The following GNB4 variants were observed in gnomAD, a reference collection of about 807,000 sequenced individuals.
GNB4 encodes G protein subunit beta 4, also known as guanine nucleotide-binding protein subunit beta-4.
GNB4 carries 28 observed loss-of-function variants against 45.2 expected under a neutral mutation model. That is an observed-to-expected ratio of 0.62 (90% CI 0.46 to 0.85). GNB4 has a LOEUF of 0.85. GNB4 is among the 40% of genes least tolerant of loss of function. The pLI, the probability that GNB4 is intolerant of heterozygous loss-of-function variation, is 0.00. For synonymous variants in GNB4, 132 were observed against 143.7 expected (o/e 0.92, Z 0.58); for missense variants, 321 against 425.4 (o/e 0.75, Z 2.16).
intron 8 of GNB4, among the ~76,000 whole-genome samples, chr3:179,407,687 A>G (rs1441164630): frequency 6.6e-6 from 1 of 152,116 alleles, no homozygotes; most frequent in South Asian, 2.1e-4. Context: ...GCAAAGAGAA[A>G]ACTCCAGAGG....
chr3:179,509,967 G>C, the GNB4 span, among the ~76,000 whole-genome samples: 1 of 152,084 alleles, frequency 6.6e-6, no homozygotes. Context: ...TGGACGCCAA[G>C]TGTGCACTGT....
At chr3:179,438,366 A>G (rs1161010769) in intron 1 of GNB4, among the ~76,000 whole-genome samples, 4 of 152,032 alleles carry the variant, frequency 2.6e-5, no homozygotes, top group African/African-American at 9.7e-5. Flanking sequence ...TTCTTTAACT[A>G]CTCTAAGTCT....
chr3:179,411,425 A>C (rs1027779637), intron 8 of GNB4, among the ~76,000 whole-genome samples: 1 of 151,768 alleles, frequency 6.6e-6, no homozygotes, highest in Non-Finnish European at 1.5e-5. Context: ...GGAAGCCTCT[A>C]TATTTACTTA....
intron 9 of GNB4, among the ~76,000 whole-genome samples, chr3:179,401,624 AATT>A (rs1421886032): frequency 1.3e-5 from 2 of 152,218 alleles, no homozygotes; most frequent in African/African-American, 2.4e-5. Context: ...ATATGCAGAC[AATT>A]ATTCCACATC....
At chr3:179,440,926 T>A (rs2108617576) in intron 1 of GNB4, among the ~76,000 whole-genome samples, 1 of 149,054 alleles carries the variant, frequency 6.7e-6, no homozygotes, top group Admixed American at 6.6e-5. Flanking sequence ...TTGAAATGAG[T>A]AAGTTTAAAC....
At chr3:179,504,165 C>CT in the GNB4 span, among the ~76,000 whole-genome samples, 2 of 151,902 alleles carry the variant, frequency 1.3e-5, no homozygotes, top group Non-Finnish European at 2.9e-5. Context: ...CGTGAGTCTG[C>CT]TTTTTTTAAA....
rs1225613554 is a variant in GNB4 at position 179,405,082 on chromosome 3, T to C, written c.916+108A>G. 2.4e-5 allele frequency: 17 copies of C among 710,506 alleles called. No homozygotes were observed. In the East Asian group the frequency reaches 4.5e-4, roughly 19 times the overall value. 44.0% of individuals were successfully genotyped at this position (710,506 alleles called of 1,614,324 possible). A position where few individuals can be genotyped will look rare whatever the true frequency, so the allele number is the denominator to read the frequency against. The stretch of plus-strand genomic sequence containing the variant: ...AAGAACATGATGAGAACCATCGGGT[T>C]ACCACTTTCCACAACTCCAAGATGT... On this transcript the variant is annotated intron_variant, in intron 9 of 9. Coordinates refer to ENST00000232564, the MANE Select transcript of GNB4 (RefSeq NM_021629.4).
the GNB4 span, among the ~76,000 whole-genome samples, chr3:179,479,637 G>T: frequency 6.6e-6 from 1 of 152,190 alleles, no homozygotes; most frequent in Non-Finnish European, 1.5e-5. Flanking sequence ...GAATGGAGAA[G>T]CATTTTCCTG....
At chr3:179,506,205 G>A in the GNB4 span, among the ~76,000 whole-genome samples, 2 of 152,120 alleles carry the variant, frequency 1.3e-5, no homozygotes, top group Admixed American at 6.5e-5. Flanking sequence ...AGGCATGGTG[G>A]TACATGCCTG....
intron 9 of GNB4, among the ~76,000 whole-genome samples, chr3:179,403,520 C>CAGTG (rs1369832939): frequency 1.3e-5 from 2 of 152,132 alleles, no homozygotes; most frequent in African/African-American, 4.8e-5. Flanking sequence ...AGGCCGGGCG[C>CAGTG]AGTGGCTCAC....
At chr3:179,415,191 A>G (rs147084108) in intron 5 of GNB4, 144 bp from the exon 6 acceptor site, 165 of 564,984 alleles carry the variant, frequency 2.9e-4, no homozygotes, top group African/African-American at 2.4e-3. Context: ...GGCTTGAGAA[A>G]GTGAACCATG....
the GNB4 span, among the ~76,000 whole-genome samples, chr3:179,467,884 CTG>C: frequency 6.6e-6 from 1 of 151,658 alleles, no homozygotes; most frequent in African/African-American, 2.4e-5. Flanking sequence ...GATATTACCT[CTG>C]TCGAACCTGT....
At chr3:179,520,736 C>T in the GNB4 span, among the ~76,000 whole-genome samples, 11 of 152,240 alleles carry the variant, frequency 7.2e-5, no homozygotes, top group East Asian at 3.9e-4. Context: ...ATTCCTGATA[C>T]CACACCTGAC....
At position 179,401,284 on chromosome 3, in the gene GNB4, A is replaced by C. The variant is rs1324179212; in HGVS notation, c.952T>G (p.Leu318Val). 1.9e-6 allele frequency: 3 copies of C among 1,613,916 alleles called. No homozygotes were observed. The highest frequency in any genetic ancestry group is 2.5e-6 in the Non-Finnish European group (3 of 1,179,914). Reference sequence around the variant, plus strand: ...GCCATGCCATCATCAGTTACACCTAAGCAGCTCACACGGTTGTCATGACCA... The same window carrying C: ...GCCATGCCATCATCAGTTACACCTACGCAGCTCACACGGTTGTCATGACCA... ...LAGHDNRVSC[L>V]GVTDDGMAVA... The change falls in exon 10 of 10, where the codon TTA becomes GTA. Residue 318 changes from leucine to valine, a missense_variant. Leu to Val is a conservative substitution (Grantham distance 32, BLOSUM62 1). Coordinates refer to ENST00000232564, the MANE Select transcript of GNB4 (RefSeq NM_021629.4).
At chr3:179,520,315 G>T in the GNB4 span, among the ~76,000 whole-genome samples, 1 of 151,962 alleles carries the variant, frequency 6.6e-6, no homozygotes, top group African/African-American at 2.4e-5. Context: ...AAACACACGT[G>T]CTCTCCCTGC....
chr3:179,475,531 G>C, the GNB4 span, among the ~76,000 whole-genome samples: 13 of 151,958 alleles, frequency 8.6e-5, no homozygotes, highest in Admixed American at 8.5e-4. Flanking sequence ...GGAATGCAAT[G>C]GCGAGATCTC....
the GNB4 span, among the ~76,000 whole-genome samples, chr3:179,466,578 G>A: frequency 6.6e-6 from 1 of 152,188 alleles, no homozygotes; most frequent in Non-Finnish European, 1.5e-5. Flanking sequence ...TTTTGTGAGT[G>A]AGGTATAGCT....
chr3:179,454,287 T>G, upstream of GNB4, among the ~76,000 whole-genome samples: 1 of 152,232 alleles, frequency 6.6e-6, no homozygotes, highest in South Asian at 2.1e-4. Context: ...GTCCGTTTCA[T>G]CTTTGTGTCT....
intron 1 of GNB4, among the ~76,000 whole-genome samples, chr3:179,434,872 C>T (rs1715403817): frequency 6.6e-6 from 1 of 152,052 alleles, no homozygotes; most frequent in Non-Finnish European, 1.5e-5. Flanking sequence ...TATGCCTGCA[C>T]CACTGTACTC....
Sources: gnomAD v4.1 joint callset for allele counts (sites outside exome capture counted in the v4.1 genomes callset) on GRCh38, gnomAD v4.1.1 for gene constraint, MANE v1.5 for transcripts, NCBI Gene and HGNC (gene_info 2026-07-23, HGNC 2026-07-21) for gene names.